The following HDAC9 variants were observed in gnomAD, a reference collection of about 807,000 sequenced individuals.
The protein encoded by HDAC9 is histone deacetylase 9.
A neutral mutation model predicts 139.4 loss-of-function variants in HDAC9; 41 were observed. That is an observed-to-expected ratio of 0.29 (90% CI 0.23 to 0.38). The LOEUF is 0.38. HDAC9 is among the 10% of genes least tolerant of loss of function. HDAC9 has a pLI of 1.00. For synonymous variants in HDAC9, 517 were observed against 476.2 expected (o/e 1.09, Z -1.12); for missense variants, 1,147 against 1,297.0 (o/e 0.88, Z 1.78).
chr7:18,281,816 T>G (rs551161867), intron 2 of HDAC9, among the ~76,000 whole-genome samples: 12 of 152,210 alleles, frequency 7.9e-5, no homozygotes, highest in Non-Finnish European at 1.6e-4. Context: ...TAAAATCCCT[T>G]TTCTTCTTTT....
At chr7:18,130,062 G>C (rs1784908652) in intron 1 of HDAC9, among the ~76,000 whole-genome samples, 1 of 152,048 alleles carries the variant, frequency 6.6e-6, no homozygotes, top group Non-Finnish European at 1.5e-5. Context: ...ATGTTACATG[G>C]TACATACAGA....
chr7:18,491,673 A>G (rs545324857), upstream of HDAC9, among the ~76,000 whole-genome samples: 1 of 152,164 alleles, frequency 6.6e-6, no homozygotes, highest in South Asian at 2.1e-4. Context: ...AGTACTGCTT[A>G]TATGCAAAGT....
At chr7:18,406,781 C>G (rs1228857092) in intron 1 of HDAC9, among the ~76,000 whole-genome samples, 1 of 152,052 alleles carries the variant, frequency 6.6e-6, no homozygotes, top group Non-Finnish European at 1.5e-5. Context: ...AAACATCTCT[C>G]TTATGATTAG....
At chr7:18,211,158 ACTATC>A (rs1277256958) in intron 2 of HDAC9, among the ~76,000 whole-genome samples, 1 of 152,220 alleles carries the variant, frequency 6.6e-6, no homozygotes. Context: ...CCCATCAGTG[ACTATC>A]TAATCAGCAG....
chr7:18,933,515 T>G (rs1360343781), intron 22 of HDAC9, among the ~76,000 whole-genome samples: 1 of 151,906 alleles, frequency 6.6e-6, no homozygotes, highest in African/African-American at 2.4e-5. Flanking sequence ...GAGGTTAGAA[T>G]TTCCATATAT....
At chr7:18,851,056 G>A (rs1054596645) in intron 21 of HDAC9, among the ~76,000 whole-genome samples, 4 of 152,202 alleles carry the variant, frequency 2.6e-5, no homozygotes, top group Non-Finnish European at 4.4e-5. Flanking sequence ...AGACAAACAT[G>A]AGTGGATTTT....
intron 1 of HDAC9, among the ~76,000 whole-genome samples, chr7:18,119,952 T>G (rs967905941): frequency 2.0e-5 from 3 of 152,242 alleles, no homozygotes; most frequent in African/African-American, 7.2e-5. Context: ...GATCTTGTCA[T>G]GCTTTCCATC....
chr7:18,444,341 GAAAAAAAAAAAA>G (rs754142568), intron 1 of HDAC9, among the ~76,000 whole-genome samples: 3 of 35,166 alleles, frequency 8.5e-5, no homozygotes, highest in Non-Finnish European at 1.6e-4. Flanking sequence ...GACCCTGTCT[GAAAAAAAAAAAA>G]AAAAAAAAAA....
At chr7:18,739,964 G>A (rs534557489) in intron 13 of HDAC9, among the ~76,000 whole-genome samples, 1 of 152,188 alleles carries the variant, frequency 6.6e-6, no homozygotes, top group African/African-American at 2.4e-5. Context: ...AGCTACTCAA[G>A]CCTCAGCAAT....
chr7:18,993,656 A>AGC, intron 25 of HDAC9, among the ~76,000 whole-genome samples: 1 of 152,008 alleles, frequency 6.6e-6, no homozygotes, highest in South Asian at 2.1e-4. Flanking sequence ...TTTTTTAATT[A>AGC]GCCCAGCATG....
At chr7:18,851,928 A>C (rs547818245) in intron 21 of HDAC9, among the ~76,000 whole-genome samples, 22 of 152,330 alleles carry the variant, frequency 1.4e-4, no homozygotes, top group African/African-American at 5.3e-4. Context: ...GCTACTCAGC[A>C]ATGCCTTCTT....
intron 1 of HDAC9, among the ~76,000 whole-genome samples, chr7:18,426,275 T>A (rs1790105845): frequency 6.6e-6 from 1 of 152,344 alleles, no homozygotes; most frequent in African/African-American, 2.4e-5. Flanking sequence ...GCTATGCAAG[T>A]CATTTGTCAT....
chr7:18,253,026 G>C (rs1400410693), intron 2 of HDAC9, among the ~76,000 whole-genome samples: 1 of 152,126 alleles, frequency 6.6e-6, no homozygotes, highest in African/African-American at 2.4e-5. Context: ...TTCTGTTCCT[G>C]CATTAGTTTG....
At chr7:18,971,506 C>T (rs1784242225) in intron 24 of HDAC9, among the ~76,000 whole-genome samples, 1 of 152,172 alleles carries the variant, frequency 6.6e-6, no homozygotes, top group Non-Finnish European at 1.5e-5. Context: ...GACTTTCTTG[C>T]ACATCTGTTT....
chr7:18,279,559 G>A (rs1213798275), intron 2 of HDAC9, among the ~76,000 whole-genome samples: 1 of 151,718 alleles, frequency 6.6e-6, no homozygotes, highest in Non-Finnish European at 1.5e-5. Context: ...TCTGCCTCCC[G>A]GGTTCAAGCG....
chr7:18,850,315 A>G (rs1797195801), intron 21 of HDAC9, among the ~76,000 whole-genome samples: 1 of 152,152 alleles, frequency 6.6e-6, no homozygotes, highest in Non-Finnish European at 1.5e-5. Flanking sequence ...TTGGCCAATG[A>G]TGATGTGGCT....
intron 2 of HDAC9, among the ~76,000 whole-genome samples, chr7:18,261,645 T>C (rs13231513): frequency 3.9e-5 from 6 of 152,238 alleles, no homozygotes; most frequent in Non-Finnish European, 8.8e-5. Context: ...TTGAGGCTTA[T>C]GCAGAAAACA....
chr7:18,448,622 G>A (rs1417631257), intron 1 of HDAC9, among the ~76,000 whole-genome samples: 1 of 152,026 alleles, frequency 6.6e-6, no homozygotes, highest in East Asian at 1.9e-4. Context: ...TTTTGAAAAT[G>A]GACCCATTCC....
chr7:18,677,772 G>A (rs556557485), intron 12 of HDAC9, among the ~76,000 whole-genome samples: 1 of 151,994 alleles, frequency 6.6e-6, no homozygotes, highest in African/African-American at 2.4e-5. Flanking sequence ...ACATATGTAT[G>A]TTACAAATAA....
Sources: gnomAD v4.1 joint callset for allele counts (sites outside exome capture counted in the v4.1 genomes callset) on GRCh38, gnomAD v4.1.1 for gene constraint, MANE v1.5 for transcripts, NCBI Gene and HGNC (gene_info 2026-07-23, HGNC 2026-07-21) for gene names.